Variants in NEGR1 observed in about 807,000 individuals in gnomAD.
NEGR1 encodes the protein IgLON family member 4.
Under a neutral mutation model 40.9 loss-of-function variants are expected in NEGR1, and 10 were observed. The observed-to-expected ratio is 0.24, with a 90% CI of 0.15 to 0.42. The LOEUF is 0.42. Among genes scored for constraint, NEGR1 ranks in the 10% least tolerant of loss-of-function variants. The probability of loss-of-function intolerance (pLI) is 1.00; values close to 1 mark genes in which losing one functional copy is unlikely to be tolerated. For missense variants in NEGR1, 352 were observed against 438.9 expected, an observed-to-expected ratio of 0.80 and a Z score of 1.77; for synonymous variants, 185 against 166.8, an observed-to-expected ratio of 1.11 and a Z score of -0.84.
At chr1:72,263,731 T>C (rs895520237) in intron 1 of NEGR1, among the ~76,000 whole-genome samples, 4 of 151,518 alleles carry the variant, frequency 2.6e-5, no homozygotes, top group African/African-American at 9.7e-5. Context: ...TAGGCATATC[T>C]TTTGGCACAC....
chr1:72,226,464 A>C (rs191759666), intron 1 of NEGR1, among the ~76,000 whole-genome samples: 1 of 152,022 alleles, frequency 6.6e-6, no homozygotes, highest in South Asian at 2.1e-4. Flanking sequence ...GACTTTATCA[A>C]ATTTCTAGAG....
intron 2 of NEGR1, among the ~76,000 whole-genome samples, chr1:71,846,216 C>G (rs1233118426): frequency 6.6e-6 from 1 of 152,112 alleles, no homozygotes; most frequent in Non-Finnish European, 1.5e-5. Context: ...CCCCCCCAAC[C>G]TAATAAAAAT....
At chr1:72,025,971 C>T (rs1274663067) in intron 1 of NEGR1, among the ~76,000 whole-genome samples, 2 of 150,474 alleles carry the variant, frequency 1.3e-5, no homozygotes, top group Non-Finnish European at 3.0e-5. Flanking sequence ...ATTAGCCGGG[C>T]GTAGTGGCGG....
intron 1 of NEGR1, among the ~76,000 whole-genome samples, chr1:72,074,360 T>G (rs185994358): frequency 6.6e-6 from 1 of 152,172 alleles, no homozygotes; most frequent in Non-Finnish European, 1.5e-5. Flanking sequence ...CCTCAAATAT[T>G]TATATAGTTT....
chr1:71,617,132 C>T (rs1201826483), intron 4 of NEGR1, among the ~76,000 whole-genome samples: 1 of 152,168 alleles, frequency 6.6e-6, no homozygotes, highest in Non-Finnish European at 1.5e-5. Context: ...TGTGTCTGCA[C>T]CAAAAGCATG....
chr1:71,868,063 T>A (rs954274756), intron 2 of NEGR1, among the ~76,000 whole-genome samples: 3 of 152,174 alleles, frequency 2.0e-5, no homozygotes, highest in African/African-American at 7.2e-5. Flanking sequence ...TAAACACTTT[T>A]TGGTCAATGT....
At chr1:72,136,314 A>G (rs1047731242) in intron 1 of NEGR1, among the ~76,000 whole-genome samples, 2 of 152,134 alleles carry the variant, frequency 1.3e-5, no homozygotes. Flanking sequence ...AAGCTGAAAA[A>G]TGCACAAAAT....
Position 71,560,429 on chromosome 1 carries a change from T to TTATATATATATATATATATATATATATA in NEGR1, c.940+32387_940+32388insTATATATATATATATATATATATATATA, listed in dbSNP as rs58813234. Among the ~76,000 whole-genome samples the TTATATATATATATATATATATATATATA allele has an allele frequency of 7.7e-4, 88 of 114,260 alleles. 5 individuals carry two copies. The highest frequency in any genetic ancestry group is 1.5e-3 in the East Asian group (4 of 2,582). 75.0% of individuals were successfully genotyped at this position (114,260 alleles called of 152,430 possible). On this transcript the variant is annotated intron_variant, in intron 6 of 6. Transcript: ENST00000357731. Reference sequence around the variant, plus strand: ...AACCCAGGCCCTGTGTAATTCTCCATTATATATATATATATATATGTATAT... The same window carrying TTATATATATATATATATATATATATATA: ...AACCCAGGCCCTGTGTAATTCTCCATTATATATATATATATATATATATATATATATATATATATATATATATGTATAT...
At chr1:71,966,482 C>T (rs547694071) in intron 1 of NEGR1, among the ~76,000 whole-genome samples, 9 of 152,222 alleles carry the variant, frequency 5.9e-5, no homozygotes, top group South Asian at 4.2e-4. Context: ...TTGAGTTACA[C>T]GCTGTTTTTT....
chr1:71,472,310 T>C (rs892991428), intron 6 of NEGR1, among the ~76,000 whole-genome samples: 5 of 152,146 alleles, frequency 3.3e-5, no homozygotes, highest in East Asian at 1.9e-4. Context: ...AATTTGGAGA[T>C]ATTTACAAAC....
chr1:72,004,799 C>T (rs1432342773), intron 1 of NEGR1, among the ~76,000 whole-genome samples: 1 of 152,086 alleles, frequency 6.6e-6, no homozygotes, highest in Non-Finnish European at 1.5e-5. Context: ...GGAACCACTG[C>T]ATAATACATT....
At chr1:71,771,267 G>A (rs189520384) in intron 3 of NEGR1, among the ~76,000 whole-genome samples, 15 of 152,216 alleles carry the variant, frequency 9.9e-5, no homozygotes, top group Admixed American at 9.8e-4. Context: ...ATGGACACAG[G>A]GAGGGGAGCA....
intron 1 of NEGR1, among the ~76,000 whole-genome samples, chr1:72,148,394 G>A (rs7517923): frequency 6.6e-6 from 1 of 151,636 alleles, no homozygotes; most frequent in Non-Finnish European, 1.5e-5. Flanking sequence ...GGACCTAGGG[G>A]TCTAAGTCTC....
chr1:72,228,272 G>C (rs1654255008), intron 1 of NEGR1, among the ~76,000 whole-genome samples: 1 of 152,180 alleles, frequency 6.6e-6, no homozygotes, highest in African/African-American at 2.4e-5. Flanking sequence ...GTGGGCATCA[G>C]CCCATCTGTT....
intron 4 of NEGR1, among the ~76,000 whole-genome samples, chr1:71,674,785 T>C (rs1018025416): frequency 6.6e-6 from 1 of 152,148 alleles, no homozygotes. Context: ...CAGAAAGGGC[T>C]TCTCTGAACA....
chr1:71,833,099 A>G (rs559334164), intron 2 of NEGR1, among the ~76,000 whole-genome samples: 125 of 152,170 alleles, frequency 8.2e-4, no homozygotes, highest in African/African-American at 2.8e-3. Context: ...CATTCAACCA[A>G]TAAGGAAAAA....
intron 1 of NEGR1, among the ~76,000 whole-genome samples, chr1:72,226,241 T>A (rs1182482588): frequency 6.6e-6 from 1 of 151,956 alleles, no homozygotes; most frequent in Non-Finnish European, 1.5e-5. Flanking sequence ...AGGGAAGTCA[T>A]AATCATATTA....
At chr1:71,934,329 AAT>A (rs1557442459) in intron 2 of NEGR1, among the ~76,000 whole-genome samples, 1 of 152,170 alleles carries the variant, frequency 6.6e-6, no homozygotes, top group African/African-American at 2.4e-5. Flanking sequence ...ATGGAAGAGA[AAT>A]AAAATAATTT....
intron 6 of NEGR1, among the ~76,000 whole-genome samples, chr1:71,457,892 C>CG (rs1194262999): frequency 6.6e-6 from 1 of 151,788 alleles, no homozygotes; most frequent in Non-Finnish European, 1.5e-5. Flanking sequence ...TTAGTAGAGA[C>CG]GGGGTTTCAC....
Sources: gnomAD v4.1 joint callset for allele counts (sites outside exome capture counted in the v4.1 genomes callset) on GRCh38, gnomAD v4.1.1 for gene constraint, MANE v1.5 for transcripts, NCBI Gene and HGNC (gene_info 2026-07-23, HGNC 2026-07-21) for gene names.